NAA15: variants seen among roughly 807,000 people sequenced by gnomAD.
NAA15 encodes the protein N-terminal acetyltransferase.
Under a neutral mutation model 114.0 loss-of-function variants are expected in NAA15, and 34 were observed. The ratio of observed to expected loss-of-function variants is 0.30; its 90% CI spans 0.23 to 0.40. The LOEUF (loss-of-function observed/expected upper bound fraction) is 0.40. NAA15 is among the 10% of genes least tolerant of loss of function. The pLI is 1.00. For missense variants in NAA15, 658 were observed against 1,004.5 expected, an observed-to-expected ratio of 0.66 and a Z score of 4.66; for synonymous variants, 340 against 338.0, an observed-to-expected ratio of 1.01 and a Z score of -0.06.
intron 17 of NAA15, among the ~76,000 whole-genome samples, chr4:139,379,691 CTG>C (rs1227267390): frequency 6.6e-6 from 1 of 152,048 alleles, no homozygotes; most frequent in African/African-American, 2.4e-5. Flanking sequence ...ACATTTAAAA[CTG>C]AGGAAATTAA....
chr4:139,336,563 A>G (rs1461987581), intron 2 of NAA15, among the ~76,000 whole-genome samples: 3 of 152,122 alleles, frequency 2.0e-5, no homozygotes, highest in Non-Finnish European at 4.4e-5. Flanking sequence ...ATGAATTACT[A>G]GATTATCTTT....
chr4:139,368,475 G>A (rs1748345334), intron 14 of NAA15, among the ~76,000 whole-genome samples: 1 of 152,168 alleles, frequency 6.6e-6, no homozygotes, highest in Admixed American at 6.5e-5. Flanking sequence ...TGGCTTGGAG[G>A]ATCTCCTTCC....
At chr4:139,373,613 C>A (rs1325426386) in intron 15 of NAA15, among the ~76,000 whole-genome samples, 1 of 152,052 alleles carries the variant, frequency 6.6e-6, no homozygotes, top group Admixed American at 6.5e-5. Context: ...TACCATGAGG[C>A]ATTAGTTGGT....
intron 1 of NAA15, among the ~76,000 whole-genome samples, chr4:139,333,769 G>A (rs941048561): frequency 2.6e-5 from 4 of 152,042 alleles, no homozygotes; most frequent in Admixed American, 1.3e-4. Flanking sequence ...GTATGGTGGC[G>A]TGTGCCTGTA....
At chr4:139,347,693 G>A (rs919587565) in intron 6 of NAA15, among the ~76,000 whole-genome samples, 2 of 152,094 alleles carry the variant, frequency 1.3e-5, no homozygotes, top group African/African-American at 4.8e-5. Context: ...TAAATTGCTT[G>A]GATTCAAATC....
intron 14 of NAA15, among the ~76,000 whole-genome samples, chr4:139,369,801 AT>A (rs72490278): frequency 6.7e-6 from 1 of 150,356 alleles, no homozygotes; most frequent in Non-Finnish European, 1.5e-5. Flanking sequence ...ACCATGTAAT[AT>A]TTTTTTAAAT....
intron 1 of NAA15, among the ~76,000 whole-genome samples, chr4:139,319,549 C>T (rs931584797): frequency 6.6e-6 from 1 of 152,192 alleles, no homozygotes; most frequent in African/African-American, 2.4e-5. Flanking sequence ...GATCCTCCCA[C>T]CTCAGCCTCG....
chr4:139,344,267 A>G lies in NAA15; in HGVS notation c.619A>G (p.Arg207Gly). The G allele has an allele frequency of 6.2e-7, 1 of 1,613,252 alleles. No homozygotes were observed. The change falls in exon 6 of 20, where the codon AGA becomes GGA. Residue 207 changes from arginine (R) to glycine (G), a missense_variant. Around this residue, in one of 6 missense-constraint regions of NAA15, gnomAD observed 281 missense variants for 389.1 expected, o/e 0.72. Transcript: ENST00000296543. ...NQVLREAGLYREALEHLCTYE... is the reference protein window; with the variant it reads ...NQVLREAGLYGEALEHLCTYE... ...AGTTCTTCGGGAAGCAGGTCTCTAT[A>G]GAGAAGCTTTGGAACATCTTTGTAC...
At chr4:139,372,557 A>G (rs906053479) in intron 15 of NAA15, among the ~76,000 whole-genome samples, 2 of 152,080 alleles carry the variant, frequency 1.3e-5, no homozygotes, top group African/African-American at 4.8e-5. Context: ...TCCTCAGCTA[A>G]CTTCCTCCAA....
chr4:139,373,213 G>A (rs1037726771), intron 15 of NAA15, among the ~76,000 whole-genome samples: 2 of 152,112 alleles, frequency 1.3e-5, no homozygotes, highest in Non-Finnish European at 2.9e-5. Flanking sequence ...GAACATCATA[G>A]GGTGTATGTA....
chr4:139,350,449 A>AC (rs1747739034), intron 7 of NAA15, among the ~76,000 whole-genome samples: 2 of 152,220 alleles, frequency 1.3e-5, no homozygotes, highest in South Asian at 4.2e-4. Context: ...AATTTCTGTC[A>AC]CTCAAACTTG....
intron 2 of NAA15, 85 bp downstream of exon 2, chr4:139,334,343 T>A (rs1336104451): frequency 2.4e-6 from 2 of 844,360 alleles, no homozygotes; most frequent in Admixed American, 2.9e-5. Flanking sequence ...CTTAACTGTT[T>A]TCCAGAGAGA....
chr4:139,334,848 A>G (rs1004136028), intron 2 of NAA15, among the ~76,000 whole-genome samples: 2 of 152,222 alleles, frequency 1.3e-5, no homozygotes, highest in African/African-American at 4.8e-5. Context: ...TTCAGTAACT[A>G]TTGATAATGC....
At chr4:139,377,491 T>A (rs1748622255) in intron 16 of NAA15, among the ~76,000 whole-genome samples, 1 of 151,032 alleles carries the variant, frequency 6.6e-6, no homozygotes, top group Non-Finnish European at 1.5e-5. Context: ...TGAGCCTAGA[T>A]CACGCCATTG....
In NAA15 at chr4:139,315,512, C is replaced by T. The variant is rs1191933335; in HGVS notation, c.54+13681C>T. ...CAGCCTGAGTGACAGCGTGAGACCG[C>T]GTCTCAAGAACAACAATAACAACAA... On this transcript the variant is annotated intron_variant, in intron 1 of 19. Coordinates refer to ENST00000296543, the MANE Select transcript of NAA15 (RefSeq NM_057175.5). Among the ~76,000 whole-genome samples the T allele has an allele frequency of 3.3e-5, 5 of 151,664 alleles. 1 individual carries two copies. The highest frequency in any genetic ancestry group is 4.4e-5 in the Non-Finnish European group (3 of 67,964).
At chr4:139,326,982 C>T (rs1278889063) in intron 1 of NAA15, among the ~76,000 whole-genome samples, 1 of 152,134 alleles carries the variant, frequency 6.6e-6, no homozygotes, top group East Asian at 1.9e-4. Flanking sequence ...CTTGCCCAGG[C>T]TGGGGTGCAG....
At chr4:139,381,486 A>G (rs989736469) in intron 17 of NAA15, among the ~76,000 whole-genome samples, 2 of 151,862 alleles carry the variant, frequency 1.3e-5, no homozygotes, top group African/African-American at 4.8e-5. Context: ...TGTTTTTTAT[A>G]CTTATGTATG....
intron 1 of NAA15, among the ~76,000 whole-genome samples, chr4:139,326,471 C>T (rs999882093): frequency 1.3e-5 from 2 of 152,126 alleles, no homozygotes. Context: ...GATTGCTCTC[C>T]ATGATTTAAG....
At chr4:139,373,812 C>T (rs1277993963) in intron 15 of NAA15, among the ~76,000 whole-genome samples, 1 of 152,110 alleles carries the variant, frequency 6.6e-6, no homozygotes, top group Non-Finnish European at 1.5e-5. Context: ...GATTCTCCTG[C>T]CTCAGCTTCC....
Sources: gnomAD v4.1 joint callset for allele counts (sites outside exome capture counted in the v4.1 genomes callset) on GRCh38, gnomAD v4.1.1 for gene constraint, gnomAD v4.1.1 regional missense constraint, MANE v1.5 for transcripts, NCBI Gene and HGNC (gene_info 2026-07-23, HGNC 2026-07-21) for gene names.